The following PRKN variants were observed in gnomAD, a reference collection of about 807,000 sequenced individuals.
PRKN encodes E3 ubiquitin-protein ligase parkin.
Under a neutral mutation model 59.5 loss-of-function variants are expected in PRKN, and 56 were observed. The ratio of observed to expected loss-of-function variants is 0.94; its 90% CI spans 0.76 to 1.18. The LOEUF (loss-of-function observed/expected upper bound fraction) is 1.18. PRKN is among the 50% of genes most tolerant of loss of function. The pLI, the probability that PRKN is intolerant of heterozygous loss-of-function variation, is 0.00. For synonymous variants in PRKN, 250 were observed against 222.1 expected (o/e 1.13, Z -1.12); for missense variants, 657 against 596.4 (o/e 1.10, Z -1.06).
intron 4 of PRKN, among the ~76,000 whole-genome samples, chr6:162,182,194 C>T (rs1342034232): frequency 1.3e-5 from 2 of 152,158 alleles, no homozygotes; most frequent in African/African-American, 2.4e-5. Context: ...CTAGTCCCTT[C>T]TTGATGGTTC....
At chr6:162,568,562 C>T (rs918667106) in intron 1 of PRKN, 19 of 817,712 alleles carry the variant, frequency 2.3e-5, no homozygotes, top group Middle Eastern at 2.8e-4. Flanking sequence ...ACATCCAGGC[C>T]GTGCAGGAGC....
At chr6:162,211,981 T>G (rs1785218179) in intron 3 of PRKN, among the ~76,000 whole-genome samples, 1 of 152,268 alleles carries the variant, frequency 6.6e-6, no homozygotes, top group Middle Eastern at 3.4e-3. Flanking sequence ...TAGATTATTT[T>G]TTTCCTTTAA....
intron 2 of PRKN, among the ~76,000 whole-genome samples, chr6:162,284,423 CA>C (rs1781086821): frequency 6.6e-6 from 1 of 151,862 alleles, no homozygotes; most frequent in Non-Finnish European, 1.5e-5. Context: ...CAGGTTTCTC[CA>C]TGTTGGTCAG....
rs1337454156 is a variant in PRKN at position 161,460,781 on chromosome 6, C to T, written c.1084-73904G>A. Among the ~76,000 whole-genome samples, 8 of 150,462 alleles carry T rather than the reference C, an allele frequency of 5.3e-5. No homozygotes were observed. The highest frequency in any genetic ancestry group is 2.0e-4 in the African/African-American group (8 of 40,832). ...TTTTTTTTTTCTTCAGATGGAGTCT[C>T]GTTCTGTCGCCAGGCTGGAGTGCAG... On this transcript the variant is annotated intron_variant, in intron 9 of 11. Coordinates refer to ENST00000366898, the MANE Select transcript of PRKN (RefSeq NM_004562.3). This position sits in a 1 kb window ranked among gnomAD's most constrained non-coding sequence, Gnocchi z 5.0.
At chr6:161,782,784 C>T (rs1790262057) in intron 7 of PRKN, among the ~76,000 whole-genome samples, 1 of 152,060 alleles carries the variant, frequency 6.6e-6, no homozygotes, top group Non-Finnish European at 1.5e-5. Flanking sequence ...GTCCCAGCTA[C>T]TTGGGAGGCT....
At chr6:161,631,604 G>C (rs1363110160) in intron 7 of PRKN, among the ~76,000 whole-genome samples, 2 of 152,324 alleles carry the variant, frequency 1.3e-5, no homozygotes, top group Non-Finnish European at 1.5e-5. Flanking sequence ...ATAATATGAG[G>C]ATGACTTCAG....
At chr6:162,002,879 G>A (rs180827742) in intron 5 of PRKN, among the ~76,000 whole-genome samples, 169 of 145,516 alleles carry the variant, frequency 1.2e-3, no homozygotes, top group African/African-American at 4.0e-3. Context: ...TTTGACTCAT[G>A]TGTTACTGAG....
At chr6:162,246,012 G>C (rs1038305060) in intron 3 of PRKN, among the ~76,000 whole-genome samples, 1 of 152,060 alleles carries the variant, frequency 6.6e-6, no homozygotes, top group Non-Finnish European at 1.5e-5. Flanking sequence ...TTCTTTTGAC[G>C]CATGACTGAA....
intron 1 of PRKN, among the ~76,000 whole-genome samples, chr6:162,651,180 T>C (rs777909257): frequency 2.6e-5 from 4 of 152,188 alleles, no homozygotes; most frequent in Non-Finnish European, 4.4e-5. Flanking sequence ...TCCTTCTGAT[T>C]ATAAATGTAA....
Position 161,442,739 on chromosome 6 carries a change from C to G in PRKN, c.1084-55862G>C, listed in dbSNP as rs1178292150. 1.3e-5 allele frequency among the ~76,000 whole-genome samples: 2 copies of G among 152,360 alleles called. No individual in the cohort carries two copies. The highest frequency in any genetic ancestry group is 3.9e-4 in the East Asian group (2 of 5,184). The stretch of plus-strand genomic sequence containing the variant: ...CCATGAATGCTTTTCAACGAAGTTG[C>G]TAGAATGCAGCCGTGGAGACGAACA... On this transcript the variant is annotated intron_variant, in intron 9 of 11. Transcript: ENST00000366898. This position sits in a 1 kb window ranked among gnomAD's most constrained non-coding sequence, Gnocchi z 4.6.
intron 7 of PRKN, among the ~76,000 whole-genome samples, chr6:161,671,138 C>T (rs769683690): frequency 6.6e-5 from 10 of 152,200 alleles, no homozygotes; most frequent in East Asian, 5.8e-4. Flanking sequence ...TGAGCCCGGG[C>T]GCAGATGGGA....
rs9365298 is a variant in PRKN at position 161,538,771 on chromosome 6, T to G, written c.1083+10083A>C. ...TTTACCCAAGAAAAGCCCTATTACC[T>G]CCCAGGAGCTTGTAGAGAGATTTGA... On this transcript the variant is annotated intron_variant, in intron 9 of 11. Transcript: ENST00000366898. This position sits in a 1 kb window ranked among gnomAD's most constrained non-coding sequence, Gnocchi z 4.2. Among the ~76,000 whole-genome samples, 33,491 of 152,074 alleles carry G rather than the reference T, an allele frequency of 0.22. 4,752 individuals carry two copies. The highest frequency in any genetic ancestry group is 0.46 in the East Asian group (2,403 of 5,170).
At chr6:161,637,287 G>A (rs76387191) in intron 7 of PRKN, among the ~76,000 whole-genome samples, 3,623 of 152,218 alleles carry the variant, frequency 0.024, 144 homozygotes, top group African/African-American at 0.083. Flanking sequence ...GTCCATTAAC[G>A]CCTGGCAGGC....
intron 2 of PRKN, chr6:162,269,659 C>G (rs2128102651): frequency 6.6e-6 from 1 of 152,306 alleles, no homozygotes; most frequent in South Asian, 2.1e-4. Context: ...TCTTCAATAT[C>G]TTCAGTATCA....
intron 4 of PRKN, among the ~76,000 whole-genome samples, chr6:162,153,885 G>A (rs1782384397): frequency 6.6e-6 from 1 of 150,768 alleles, no homozygotes; most frequent in Non-Finnish European, 1.5e-5. Flanking sequence ...ATGGGGGTGA[G>A]GCGAGCCATA....
intron 9 of PRKN, among the ~76,000 whole-genome samples, chr6:161,406,781 G>A (rs144261295): frequency 3.3e-5 from 5 of 152,170 alleles, no homozygotes; most frequent in Middle Eastern, 6.8e-3. Context: ...AGTGATTCAC[G>A]CCGAGTCATG....
intron 6 of PRKN, among the ~76,000 whole-genome samples, chr6:161,851,055 A>G (rs1793413098): frequency 6.6e-6 from 1 of 152,226 alleles, no homozygotes; most frequent in Non-Finnish European, 1.5e-5. Context: ...CGTGTCCTCC[A>G]AAGTTCCTAA....
intron 2 of PRKN, among the ~76,000 whole-genome samples, chr6:162,314,462 CTTTAGAGTAA>C (rs1782662028): frequency 6.6e-6 from 1 of 152,018 alleles, no homozygotes; most frequent in African/African-American, 2.4e-5. Context: ...TAATTTTGCC[CTTTAGAGTAA>C]TTTAAACAGA....
At chr6:162,063,030 A>G (rs1360655044) in intron 4 of PRKN, among the ~76,000 whole-genome samples, 1 of 152,168 alleles carries the variant, frequency 6.6e-6, no homozygotes, top group African/African-American at 2.4e-5. Flanking sequence ...CAGAAAGCAA[A>G]TGGGAACTTC....
Sources: allele counts gnomAD v4.1 joint callset (sites outside exome capture counted in the v4.1 genomes callset), GRCh38; gene constraint gnomAD v4.1.1; non-coding constraint Gnocchi (gnomAD v3.1); transcripts MANE v1.5; gene names NCBI Gene and HGNC (gene_info 2026-07-23, HGNC 2026-07-21).